The following USF3 variants were observed in gnomAD, a reference collection of about 807,000 sequenced individuals.
The protein encoded by USF3 is upstream transcription factor family member 3.
A neutral mutation model predicts 157.5 loss-of-function variants in USF3; 29 were observed. The observed-to-expected ratio is 0.18, with a 90% CI of 0.14 to 0.25. The LOEUF is 0.25. Ranked by LOEUF, USF3 falls within the 10% of genes least tolerant of loss-of-function variation. The pLI is 1.00. For missense variants in USF3, 2,381 were observed against 2,667.6 expected, an observed-to-expected ratio of 0.89 and a Z score of 2.37; for synonymous variants, 893 against 941.4, an observed-to-expected ratio of 0.95 and a Z score of 0.94.
intron 1 of USF3, among the ~76,000 whole-genome samples, chr3:113,682,583 T>C (rs1707458518): frequency 6.6e-6 from 1 of 152,186 alleles, no homozygotes; most frequent in Non-Finnish European, 1.5e-5. Flanking sequence ...ACTATTATTG[T>C]ATTGGGGTCT....
intron 5 of USF3, among the ~76,000 whole-genome samples, chr3:113,666,066 C>T (rs929418307): frequency 6.6e-6 from 1 of 151,314 alleles, no homozygotes; most frequent in Non-Finnish European, 1.5e-5. Flanking sequence ...TGCCTGTAAT[C>T]CCAGCTACTC....
intron 1 of USF3, among the ~76,000 whole-genome samples, chr3:113,688,769 G>A (rs149562327): frequency 5.9e-5 from 9 of 152,308 alleles, no homozygotes; most frequent in South Asian, 2.1e-4. Context: ...GGCTGGGCGC[G>A]GTGGCTCACG....
At chr3:113,667,396 T>C (rs1459313974) in intron 5 of USF3, among the ~76,000 whole-genome samples, 1 of 152,144 alleles carries the variant, frequency 6.6e-6, no homozygotes, top group Admixed American at 6.5e-5. Context: ...TTTCCTTTCT[T>C]CAGAGAAACT....
rs1378923502 is a variant in USF3, at chr3:113,660,282, G to A, written c.1400C>T (p.Thr467Ile). 6.2e-7 allele frequency: 1 copy of A among 1,614,198 alleles called. No homozygotes were observed. Reference protein sequence around the residue: ...VLNESGTSPTTSNHSRYVATD... With the variant: ...VLNESGTSPTISNHSRYVATD... ...AGCCACATATCTACTGTGGTTGCTT[G>A]TGGTGGGGCTAGTACCAGACTCATT... Residue 467 changes from threonine (T) to isoleucine (I), a missense_variant, in exon 7 of 7, where the codon ACA becomes ATA. By Grantham distance (89) the Thr-to-Ile change is moderately conservative. Around this residue, in one of 6 missense-constraint regions of USF3, gnomAD observed 1,435 missense variants for 1,550.9 expected, o/e 0.93. Transcript: ENST00000316407.
Position 113,660,006 on chromosome 3 carries a change from C to T in USF3, c.1676G>A (p.Ser559Asn), listed in dbSNP as rs1210518695. 1 of 1,614,086 alleles carries T rather than the reference C, an allele frequency of 6.2e-7. No homozygotes were observed. Among genetic ancestry groups the T allele is most frequent in the Admixed American group, 1.7e-5 (1 of 60,012 alleles). Residue 559 changes from serine (S) to asparagine (N), a missense_variant, in exon 7 of 7, where the codon AGC becomes AAC. Transcript: ENST00000316407. The stretch of plus-strand genomic sequence containing the variant: ...CATCACTGTTGGGCATGGGGTGGTG[C>T]TAGGTGGCTGAAGAATTATAACATT... ...NQNVIILQPP[S>N]TTPCPTVMRA...
Position 113,656,354 on chromosome 3 carries a change from T to C in USF3, c.5328A>G (p.Arg1776=). ...GTGGGGGGCCAGTGTTTTGACTAAT[T>C]CGAAAAGCCTGGGACTGCATACTCC... is the stretch of plus-strand genomic sequence containing the variant. ...SLRSMQSQAF[R]ISQNTGPPPI... is the part of the protein sequence containing the mutation. The change falls in exon 7 of 7, where the codon CGA becomes CGG. Residue 1776 remains arginine, a synonymous_variant. Coordinates refer to ENST00000316407, the MANE Select transcript of USF3 (RefSeq NM_001009899.4). 6.2e-7 allele frequency: 1 copy of C among 1,614,142 alleles called. No individual in the cohort carries two copies. The highest frequency in any genetic ancestry group is 8.5e-7 in the Non-Finnish European group (1 of 1,180,032).
Position 113,657,483 on chromosome 3 carries a change from C to A in USF3, c.4199G>T (p.Arg1400Leu), listed in dbSNP as rs765208523. The A allele has an allele frequency of 3.7e-6, 6 of 1,613,986 alleles. No homozygotes were observed. Residue 1400 changes from arginine to leucine, a missense_variant, in exon 7 of 7, where the codon CGA becomes CTA. Coordinates refer to ENST00000316407, the MANE Select transcript of USF3 (RefSeq NM_001009899.4). ...AAAGTTGTTACTAGGTGGAAATAAT[C>A]GTGTAAGGCCATCTCCATGAGCTGG... ...SNPAHGDGLT[R>L]LFPPSNNFVT...
intron 6 of USF3, among the ~76,000 whole-genome samples, chr3:113,662,083 G>C (rs1947495420): frequency 6.6e-6 from 1 of 152,226 alleles, no homozygotes; most frequent in South Asian, 2.1e-4. Context: ...CTGACCTCAA[G>C]TGATCTGCCT....
intron 4 of USF3, among the ~76,000 whole-genome samples, chr3:113,671,433 T>C (rs1057473956): frequency 2.6e-5 from 4 of 152,188 alleles, no homozygotes; most frequent in African/African-American, 9.7e-5. Flanking sequence ...ATCTTTCCCA[T>C]CAAAGAAACA....
chr3:113,681,554 AT>A (rs566594731), intron 1 of USF3, among the ~76,000 whole-genome samples: 2,220 of 127,066 alleles, frequency 0.017, 24 homozygotes, highest in African/African-American at 0.033. Context: ...CGACTGGCTA[AT>A]TTTTTTTTTT....
intron 4 of USF3, among the ~76,000 whole-genome samples, chr3:113,672,445 C>T (rs1370353966): frequency 1.3e-5 from 2 of 151,974 alleles, no homozygotes; most frequent in Non-Finnish European, 2.9e-5. Flanking sequence ...ATATCTATGG[C>T]ACCATGTGAC....
chr3:113,651,775 G>A lies in USF3; in HGVS notation c.*3169C>T, dbSNP rs1265761110. 1.3e-5 allele frequency: 2 copies of A among 152,120 alleles called. No individual in the cohort carries two copies. The highest frequency in any genetic ancestry group is 4.8e-5 in the African/African-American group (2 of 41,420). The allele number at this position is 152,120 out of a possible 1,614,324, so 9.4% of individuals were successfully genotyped here. On this transcript the variant is annotated 3_prime_UTR_variant, in exon 7 of 7. Coordinates refer to ENST00000316407, the MANE Select transcript of USF3 (RefSeq NM_001009899.4). ...CATGCATACATCTGTAAAGTAATGA[G>A]AGCTACACGTAAGCAGGAGCCAATT...
Position 113,649,783 on chromosome 3 carries a change from GCTT to G in USF3, c.*5158_*5160del. 1 of 702,030 alleles carries G rather than the reference GCTT, an allele frequency of 1.4e-6. No homozygotes were observed. The highest frequency in any genetic ancestry group is 2.0e-5 in the Admixed American group (1 of 49,832). 43.5% of individuals were successfully genotyped at this position (702,030 alleles called of 1,614,324 possible). A position where few individuals can be genotyped will look rare whatever the true frequency, so the allele number is the denominator to read the frequency against. ...GCTCTGTGTCCAACAAGGTCCTCAC[GCTT>G]CTTATCAGCATGGACTGACTCAATC... On this transcript the variant is annotated 3_prime_UTR_variant, in exon 7 of 7. Transcript: ENST00000316407.
rs1947429074 is a variant in USF3, at chr3:113,659,152, A to G, written c.2530T>C (p.Phe844Leu). ...GAGACAGATGGTAACACAGCAGGGAAGCTTTCTAGCAGTCCATCATTACAG... is the reference window on the plus strand; with the variant it reads ...GAGACAGATGGTAACACAGCAGGGAGGCTTTCTAGCAGTCCATCATTACAG... ...PPCNDGLLESFPAVLPSVSVS... is the reference protein window; with the variant it reads ...PPCNDGLLESLPAVLPSVSVS... Residue 844 changes from phenylalanine to leucine, a missense_variant, in exon 7 of 7, where the codon TTC (phenylalanine) becomes CTC (leucine). Phe to Leu is a conservative substitution (Grantham distance 22). This residue lies in a region of USF3 where 1,435 missense variants were observed against 1,550.9 expected (regional missense o/e 0.93). Transcript: ENST00000316407. 4.3e-6 allele frequency: 7 copies of G among 1,614,090 alleles called. No homozygotes were observed. In the East Asian group the frequency reaches 1.6e-4, roughly 36 times the overall value.
chr3:113,680,176 T>C (rs1311061582), intron 1 of USF3, among the ~76,000 whole-genome samples: 1 of 151,510 alleles, frequency 6.6e-6, no homozygotes, highest in Non-Finnish European at 1.5e-5. Context: ...AGGACTGGTA[T>C]TAGTTCTTCT....
At chr3:113,694,883 TAAAG>T (rs1243524537) in intron 1 of USF3, among the ~76,000 whole-genome samples, 1 of 151,984 alleles carries the variant, frequency 6.6e-6, no homozygotes, top group African/African-American at 2.4e-5. Context: ...TGTCTCTACT[TAAAG>T]AAATAAAAAT....
At chr3:113,694,649 T>C (rs750654593) in intron 1 of USF3, among the ~76,000 whole-genome samples, 1 of 152,224 alleles carries the variant, frequency 6.6e-6, no homozygotes, top group Non-Finnish European at 1.5e-5. Context: ...AGAAATGTCT[T>C]GGGCCACCCA....
At chr3:113,681,609 C>G (rs573460365) in intron 1 of USF3, among the ~76,000 whole-genome samples, 1 of 143,970 alleles carries the variant, frequency 6.9e-6, no homozygotes, top group East Asian at 2.1e-4. Flanking sequence ...ACCATGTTGG[C>G]CAGGCTGGTC....
At chr3:113,685,460 G>A (rs942494916) in intron 1 of USF3, among the ~76,000 whole-genome samples, 15 of 152,264 alleles carry the variant, frequency 9.9e-5, no homozygotes, top group African/African-American at 3.1e-4. Context: ...TTCTGGCCCA[G>A]TGGGGGGTCT....
Sources: gnomAD v4.1 joint callset for allele counts (sites outside exome capture counted in the v4.1 genomes callset) on GRCh38, gnomAD v4.1.1 for gene constraint, gnomAD v4.1.1 regional missense constraint, MANE v1.5 for transcripts, NCBI Gene and HGNC (gene_info 2026-07-23, HGNC 2026-07-21) for gene names.